Variants in FRMD4B observed in about 807,000 individuals in gnomAD.
FRMD4B encodes FERM domain-containing protein 4B.
In FRMD4B, 74 loss-of-function variants were observed where a neutral mutation model predicts 141.5. The ratio of observed to expected loss-of-function variants is 0.52; its 90% CI spans 0.43 to 0.63. The LOEUF (loss-of-function observed/expected upper bound fraction) is 0.63. Among genes scored for constraint, FRMD4B ranks in the 30% least tolerant of loss-of-function variants. FRMD4B has a pLI of 0.00. For synonymous variants in FRMD4B, 506 were observed against 467.9 expected (o/e 1.08, Z -1.05); for missense variants, 1,366 against 1,253.4 (o/e 1.09, Z -1.36).
At chr3:69,312,189 G>A (rs575698014) in intron 2 of FRMD4B, among the ~76,000 whole-genome samples, 2 of 152,338 alleles carry the variant, frequency 1.3e-5, no homozygotes, top group Admixed American at 1.3e-4. Context: ...AATGCCTGGA[G>A]TGATAATTGA....
rs551119974 is a variant in FRMD4B, at chr3:69,179,881, T to G, written c.2851+1018A>C. ...TCCACATCTTGAATGTGGCTGCTCA[T>G]TTGCTGAATAAATAAAACCATACAC... On this transcript the variant is annotated intron_variant, in intron 21 of 22. Transcript: ENST00000398540. Among the ~76,000 whole-genome samples, 5 of 152,280 alleles carry G rather than the reference T, an allele frequency of 3.3e-5. No homozygotes were observed. The South Asian group carries it at 6.2e-4, about 19-fold the overall frequency.
chr3:69,484,052 T>C (rs1359560317), intron 1 of FRMD4B, among the ~76,000 whole-genome samples: 1 of 152,230 alleles, frequency 6.6e-6, no homozygotes, highest in Non-Finnish European at 1.5e-5. Context: ...GCTTCTTTAT[T>C]TGAATTTCTC....
intron 7 of FRMD4B, among the ~76,000 whole-genome samples, chr3:69,225,397 C>T (rs1169469460): frequency 3.3e-5 from 5 of 151,744 alleles, no homozygotes; most frequent in African/African-American, 4.8e-5. Flanking sequence ...GAGAACAGGC[C>T]GGACACAGTG....
chr3:69,322,667 AC>A (rs1338514128), intron 1 of FRMD4B, among the ~76,000 whole-genome samples: 5 of 145,542 alleles, frequency 3.4e-5, no homozygotes, highest in African/African-American at 1.3e-4. Context: ...CATGAACATG[AC>A]TCACTGCAGC....
At chr3:69,279,118 G>GA (rs753399855) in intron 5 of FRMD4B, among the ~76,000 whole-genome samples, 3 of 151,958 alleles carry the variant, frequency 2.0e-5, no homozygotes, top group Non-Finnish European at 4.4e-5. Context: ...ACATACAAAT[G>GA]AAAAAATCCT....
intron 9 of FRMD4B, among the ~76,000 whole-genome samples, chr3:69,218,727 G>T (rs188483144): frequency 7.2e-5 from 11 of 152,194 alleles, no homozygotes; most frequent in Admixed American, 6.5e-4. Context: ...CCAACTTTTG[G>T]GTCATACTCA....
At chr3:69,374,272 G>C (rs1703908876) in intron 1 of FRMD4B, among the ~76,000 whole-genome samples, 1 of 152,190 alleles carries the variant, frequency 6.6e-6, no homozygotes, top group South Asian at 2.1e-4. Context: ...AGGGTAAGCA[G>C]CTTGGCTCAA....
intron 2 of FRMD4B, among the ~76,000 whole-genome samples, chr3:69,428,515 T>C (rs1179218654): frequency 2.0e-5 from 3 of 151,302 alleles, no homozygotes; most frequent in African/African-American, 7.3e-5. Context: ...GGAAAATAGA[T>C]TTTTTTTCTT....
At chr3:69,257,742 G>T (rs565457133) in intron 5 of FRMD4B, among the ~76,000 whole-genome samples, 282 of 151,978 alleles carry the variant, frequency 1.9e-3, no homozygotes, top group African/African-American at 6.5e-3. Flanking sequence ...GCTCACTGCA[G>T]TCTCGACTTC....
chr3:69,348,210 C>T lies in FRMD4B; in HGVS notation c.163-34693G>A, dbSNP rs575574777. 1.9e-3 allele frequency among the ~76,000 whole-genome samples: 296 copies of T among 152,230 alleles called. 2 individuals carry two copies. The highest frequency in any genetic ancestry group is 6.8e-3 in the African/African-American group (284 of 41,546). Reference sequence around the variant, plus strand: ...TCAGAGAATACTATAAACACTTCTACGCAAATAAACTAGAAAATCTAGAAG... The same window carrying T: ...TCAGAGAATACTATAAACACTTCTATGCAAATAAACTAGAAAATCTAGAAG... On this transcript the variant is annotated intron_variant, in intron 1 of 22. Transcript: ENST00000398540.
chr3:69,539,331 C>T (rs1175732459), intron 1 of FRMD4B, among the ~76,000 whole-genome samples: 1 of 152,184 alleles, frequency 6.6e-6, no homozygotes, highest in Non-Finnish European at 1.5e-5. Context: ...CTTGCTGAAA[C>T]TAGAGGCCAG....
At chr3:69,212,814 A>C (rs376571022) in intron 11 of FRMD4B, among the ~76,000 whole-genome samples, 31 of 152,346 alleles carry the variant, frequency 2.0e-4, no homozygotes, top group African/African-American at 6.7e-4. Context: ...GATTCAGAAA[A>C]ACCAGTAAGA....
exon 1 of FRMD4B, chr3:69,542,387 T>C: frequency 6.5e-6 from 1 of 153,302 alleles, no homozygotes; most frequent in Non-Finnish European, 1.4e-5. Flanking sequence ...CTGTCCAAGC[T>C]CCAGCTCAGC....
rs181902649 is a variant in FRMD4B at position 69,511,891 on chromosome 3, T to C, written c.-129+30315A>G. Among the ~76,000 whole-genome samples the C allele has an allele frequency of 3.0e-3, 461 of 152,238 alleles. 3 individuals are homozygous for C. The highest frequency in any genetic ancestry group is 3.3e-3 in the Non-Finnish European group (225 of 68,016). On this transcript the variant is annotated intron_variant, in intron 1 of 5. Coordinates refer to the FRMD4B transcript ENST00000459638. ...CATGCTTCTCAGAGGACCTGGACTA[T>C]ATACAACTTAGAAGAGAGGAGTACA...
intron 11 of FRMD4B, chr3:69,199,202 G>A (rs1485556195): frequency 9.8e-5 from 16 of 162,814 alleles, no homozygotes; most frequent in Non-Finnish European, 5.4e-5. Flanking sequence ...CACCCGGGAG[G>A]CGGAGGTTGC....
At chr3:69,493,916 T>C (rs140840345) in intron 1 of FRMD4B, among the ~76,000 whole-genome samples, 4 of 152,316 alleles carry the variant, frequency 2.6e-5, no homozygotes, top group Non-Finnish European at 5.9e-5. Flanking sequence ...TAATGATAAG[T>C]ACTGGGGTGC....
intron 5 of FRMD4B, among the ~76,000 whole-genome samples, chr3:69,284,116 G>C (rs1335153806): frequency 1.3e-5 from 2 of 152,168 alleles, no homozygotes; most frequent in Non-Finnish European, 2.9e-5. Flanking sequence ...CCAGGCTGTG[G>C]AGGGAGAAAC....
chr3:69,234,310 A>G (rs1043695985), intron 7 of FRMD4B, among the ~76,000 whole-genome samples: 3 of 151,936 alleles, frequency 2.0e-5, no homozygotes, highest in Admixed American at 6.6e-5. Context: ...CAACTTAACT[A>G]TCAATCAAAC....
At chr3:69,186,010 C>T (rs932601704) in intron 19 of FRMD4B, among the ~76,000 whole-genome samples, 2 of 150,594 alleles carry the variant, frequency 1.3e-5, no homozygotes, top group Non-Finnish European at 2.9e-5. Flanking sequence ...CTGCTGCACT[C>T]CAGCCTGGGT....
Sources: gnomAD v4.1 joint callset for allele counts (sites outside exome capture counted in the v4.1 genomes callset) on GRCh38, gnomAD v4.1.1 for gene constraint, MANE v1.5 for transcripts, NCBI Gene and HGNC (gene_info 2026-07-23, HGNC 2026-07-21) for gene names.